RAP1GAP2: variants seen among roughly 807,000 people sequenced by gnomAD.
RAP1GAP2 encodes rap1 GTPase-activating protein 2.
In RAP1GAP2, 27 loss-of-function variants were observed where a neutral mutation model predicts 95.0. That is an observed-to-expected ratio of 0.28 (90% CI 0.21 to 0.39). The LOEUF is 0.39. Among genes scored for constraint, RAP1GAP2 ranks in the 10% least tolerant of loss-of-function variants. The pLI is 1.00. For synonymous variants in RAP1GAP2, 373 were observed against 380.9 expected, an observed-to-expected ratio of 0.98 and a Z score of 0.24; for missense variants, 771 against 970.0, an observed-to-expected ratio of 0.79 and a Z score of 2.72.
In RAP1GAP2 at chr17:2,818,081, C is replaced by A. The variant is rs553475432; in HGVS notation, c.80+17531C>A. Among the ~76,000 whole-genome samples, 864 of 151,878 alleles carry A rather than the reference C, an allele frequency of 5.7e-3. 5 individuals carry two copies. Among genetic ancestry groups the A allele is most frequent in the Middle Eastern group, 0.051 (15 of 294 alleles). ...TCAATCTCCTGACCTCGTGATCTGC[C>A]CTCCTCGGCCTCCTAAAGTGCTGGG... On this transcript the variant is annotated intron_variant, in intron 2 of 24. Transcript: ENST00000254695.
At chr17:3,000,430 CGG>C (rs2046115136) in intron 14 of RAP1GAP2, among the ~76,000 whole-genome samples, 5 of 150,798 alleles carry the variant, frequency 3.3e-5, no homozygotes, top group Admixed American at 6.6e-5. Flanking sequence ...TTCCTGATGC[CGG>C]AGAAGGGGCA....
At position 2,963,345 on chromosome 17, in the gene RAP1GAP2, T is replaced by G; in HGVS notation, c.247-85T>G. ...TCCCTCAAAGCCCCCCCACAACATATCCCCCTTGCAAGACCTGGAAACAGT... is the reference window on the plus strand; with the variant it reads ...TCCCTCAAAGCCCCCCCACAACATAGCCCCCTTGCAAGACCTGGAAACAGT... On this transcript the variant is annotated intron_variant, in intron 5 of 24. Coordinates refer to ENST00000254695, the MANE Select transcript of RAP1GAP2 (RefSeq NM_015085.5). This position sits in a 1 kb window ranked among gnomAD's most constrained non-coding sequence, Gnocchi z 4.8. 3 of 1,375,914 alleles carry G rather than the reference T, an allele frequency of 2.2e-6. No individual in the cohort carries two copies. The highest frequency in any genetic ancestry group is 3.1e-6 in the Non-Finnish European group (3 of 972,436). The allele number at this position is 1,375,914 out of a possible 1,614,324, so 85.2% of individuals were successfully genotyped here.
At chr17:2,844,943 G>A (rs905097387) in intron 2 of RAP1GAP2, among the ~76,000 whole-genome samples, 2 of 152,172 alleles carry the variant, frequency 1.3e-5, no homozygotes, top group African/African-American at 2.4e-5. Context: ...TTAGTCAGGC[G>A]TGTGAGCTGG....
intron 3 of RAP1GAP2, among the ~76,000 whole-genome samples, chr17:2,910,223 G>A (rs150420945): frequency 0.018 from 2,760 of 152,314 alleles, 30 homozygotes; most frequent in Middle Eastern, 0.034. Context: ...GGGGACCTGG[G>A]ACTTGTTTAT....
chr17:2,790,420 C>G (rs2068896167), intron 1 of RAP1GAP2, among the ~76,000 whole-genome samples: 1 of 152,158 alleles, frequency 6.6e-6, no homozygotes. Flanking sequence ...CACCCGACCT[C>G]TCTATCACCC....
chr17:2,817,359 C>G lies in RAP1GAP2; in HGVS notation c.80+16809C>G, dbSNP rs1217970572. Among the ~76,000 whole-genome samples the G allele has an allele frequency of 2.5e-5, 3 of 121,236 alleles. 1 individual carries two copies. The highest frequency in any genetic ancestry group is 5.9e-5 in the Non-Finnish European group (3 of 50,590). The allele number at this position is 121,236 out of a possible 152,430, so 79.5% of individuals were successfully genotyped here. A position where few individuals can be genotyped will look rare whatever the true frequency, so the allele number is the denominator to read the frequency against. On this transcript the variant is annotated intron_variant, in intron 2 of 24. Transcript: ENST00000254695. ...GTTGCATGTATCACATTTTGTTTAT[C>G]CATGTGTTCACTGATGGACATCTGA...
upstream of RAP1GAP2, among the ~76,000 whole-genome samples, chr17:2,774,715 C>T (rs1398680608): frequency 6.6e-6 from 1 of 151,920 alleles, no homozygotes; most frequent in Admixed American, 6.6e-5. Flanking sequence ...AGGTGATCCA[C>T]CCACCTTGGC....
At chr17:2,769,322 G>A (rs1227281742) in intron 1 of RAP1GAP2, among the ~76,000 whole-genome samples, 8 of 145,928 alleles carry the variant, frequency 5.5e-5, no homozygotes, top group Non-Finnish European at 4.5e-5. Context: ...TTGGGAGGCC[G>A]AGGCGGGCGG....
At chr17:3,032,326 T>G in intron 23 of RAP1GAP2, 85 bp from the exon 24 acceptor site, 1 of 1,505,202 alleles carries the variant, frequency 6.6e-7, no homozygotes, top group Non-Finnish European at 9.2e-7. Flanking sequence ...ACCAGACTGT[T>G]GAGAGCTGAG....
chr17:2,916,651 C>A (rs1040513207), intron 3 of RAP1GAP2, among the ~76,000 whole-genome samples: 1 of 152,076 alleles, frequency 6.6e-6, no homozygotes, highest in East Asian at 1.9e-4. Flanking sequence ...CGGTGGCCAC[C>A]GGGAGGAGTG....
intron 2 of RAP1GAP2, among the ~76,000 whole-genome samples, chr17:2,882,534 C>T (rs1597502721): frequency 6.6e-6 from 1 of 151,524 alleles, no homozygotes; most frequent in Non-Finnish European, 1.5e-5. Context: ...TCATGATCCA[C>T]CCACCCTGGC....
intron 8 of RAP1GAP2, among the ~76,000 whole-genome samples, chr17:2,969,432 A>AACACAC (rs34917196): frequency 2.0e-5 from 3 of 146,360 alleles, no homozygotes; most frequent in Non-Finnish European, 3.0e-5. Flanking sequence ...AACCATTTGA[A>AACACAC]ACACACACAC....
At chr17:2,915,162 A>G (rs2042533740) in intron 3 of RAP1GAP2, among the ~76,000 whole-genome samples, 1 of 151,998 alleles carries the variant, frequency 6.6e-6, no homozygotes, top group East Asian at 1.9e-4. Flanking sequence ...GCCTCAAGTG[A>G]TCCTCCTGCC....
At chr17:2,828,851 TCCCTC>T (rs1420170863) in intron 2 of RAP1GAP2, among the ~76,000 whole-genome samples, 1 of 152,102 alleles carries the variant, frequency 6.6e-6, no homozygotes, top group Non-Finnish European at 1.5e-5. Flanking sequence ...AGAGGTGACT[TCCCTC>T]CCGGTTTCTG....
chr17:2,796,802 C>T lies in RAP1GAP2; in HGVS notation c.44+231C>T, dbSNP rs1222556813. Among the ~76,000 whole-genome samples the T allele has an allele frequency of 6.6e-6, 1 of 152,088 alleles. No individual in the cohort carries two copies. Among genetic ancestry groups the T allele is most frequent in the South Asian group, 2.1e-4 (1 of 4,822 alleles). ...GCTGGCGAATCCTGGAGGTCTGCGC[C>T]GGCTGCCCGTGGGGAGGTGGATAGC... On this transcript the variant is annotated intron_variant, in intron 1 of 24. Coordinates refer to ENST00000254695, the MANE Select transcript of RAP1GAP2 (RefSeq NM_015085.5). This position sits in a 1 kb window ranked among gnomAD's most constrained non-coding sequence, Gnocchi z 4.7.
chr17:2,830,196 G>A (rs887000351), intron 2 of RAP1GAP2, among the ~76,000 whole-genome samples: 1 of 151,004 alleles, frequency 6.6e-6, no homozygotes, highest in African/African-American at 2.4e-5. Flanking sequence ...CGGATCACTT[G>A]AGGTCAGGAG....
intron 2 of RAP1GAP2, among the ~76,000 whole-genome samples, chr17:2,884,261 G>A (rs1389819973): frequency 6.6e-6 from 1 of 152,088 alleles, no homozygotes; most frequent in Non-Finnish European, 1.5e-5. Context: ...GGTGCAGTGG[G>A]GCTGCAGTGG....
chr17:2,817,949 G>A lies in RAP1GAP2; in HGVS notation c.80+17399G>A, dbSNP rs113754264. ...CTTCCCAGGTTCATGCCATTCTCCTGCCTCAGCCTCCCGAGTAGCTGGGAC... is the reference window on the plus strand; with the variant it reads ...CTTCCCAGGTTCATGCCATTCTCCTACCTCAGCCTCCCGAGTAGCTGGGAC... On this transcript the variant is annotated intron_variant, in intron 2 of 24. Coordinates refer to ENST00000254695, the MANE Select transcript of RAP1GAP2 (RefSeq NM_015085.5). 1.3e-4 allele frequency among the ~76,000 whole-genome samples: 20 copies of A among 150,590 alleles called. 1 individual carries two copies. Among genetic ancestry groups the A allele is most frequent in the African/African-American group, 4.6e-4 (19 of 41,114 alleles).
intron 3 of RAP1GAP2, among the ~76,000 whole-genome samples, chr17:2,941,655 T>G (rs2043502081): frequency 7.1e-6 from 1 of 141,552 alleles, no homozygotes; most frequent in Admixed American, 7.8e-5. Flanking sequence ...AAGACATCAG[T>G]GATGACTCTT....
Sources: allele counts gnomAD v4.1 joint callset (sites outside exome capture counted in the v4.1 genomes callset), GRCh38; gene constraint gnomAD v4.1.1; non-coding constraint Gnocchi (gnomAD v3.1); transcripts MANE v1.5; gene names NCBI Gene and HGNC (gene_info 2026-07-23, HGNC 2026-07-21).